Variants in FGF14 observed in about 807,000 individuals in gnomAD.
FGF14 encodes the protein fibroblast growth factor 14.
A neutral mutation model predicts 25.5 loss-of-function variants in FGF14; 5 were observed. That is an observed-to-expected ratio of 0.20 (90% CI 0.10 to 0.41). The LOEUF (loss-of-function observed/expected upper bound fraction) is 0.41, where lower values mean the gene tolerates loss of function less well. Ranked by LOEUF, FGF14 falls within the 10% of genes least tolerant of loss-of-function variation. The pLI is 1.00. For missense variants in FGF14, 222 were observed against 320.1 expected, an observed-to-expected ratio of 0.69 and a Z score of 2.34; for synonymous variants, 138 against 118.3, an observed-to-expected ratio of 1.17 and a Z score of -1.08.
At chr13:102,209,417 T>C (rs1235231932) in intron 1 of FGF14, among the ~76,000 whole-genome samples, 1 of 152,248 alleles carries the variant, frequency 6.6e-6, no homozygotes, top group Non-Finnish European at 1.5e-5. Context: ...TCATGAATTT[T>C]GCATTTTCCG....
intron 1 of FGF14, among the ~76,000 whole-genome samples, chr13:102,160,960 CA>C (rs2140569716): frequency 6.6e-6 from 1 of 152,226 alleles, no homozygotes; most frequent in South Asian, 2.1e-4. Flanking sequence ...AGTTAGTCTT[CA>C]AAGCCACTTC....
chr13:101,918,975 A>C (rs1331275678), upstream of FGF14, among the ~76,000 whole-genome samples: 2 of 152,202 alleles, frequency 1.3e-5, no homozygotes, highest in Non-Finnish European at 2.9e-5. Context: ...AAGTGAGAAA[A>C]AGGGGAATGC....
chr13:102,397,807 T>G (rs1306051988), intron 1 of FGF14, among the ~76,000 whole-genome samples: 1 of 152,206 alleles, frequency 6.6e-6, no homozygotes, highest in East Asian at 1.9e-4. Context: ...ATTATATACA[T>G]TGGTCAATCC....
upstream of FGF14, among the ~76,000 whole-genome samples, chr13:101,921,838 A>G (rs2034027681): frequency 6.6e-6 from 1 of 152,188 alleles, no homozygotes; most frequent in African/African-American, 2.4e-5. Flanking sequence ...CTCATCTCCT[A>G]TGAATCTTTC....
chr13:102,181,753 G>A (rs948150051), intron 1 of FGF14, among the ~76,000 whole-genome samples: 8 of 152,120 alleles, frequency 5.3e-5, no homozygotes, highest in African/African-American at 1.7e-4. Context: ...TACATATTAC[G>A]CTGGATCCAT....
intron 3 of FGF14, among the ~76,000 whole-genome samples, chr13:101,797,393 G>A (rs562743169): frequency 2.6e-4 from 39 of 152,088 alleles, no homozygotes; most frequent in African/African-American, 8.2e-4. Flanking sequence ...GTAATTGTGC[G>A]TCCTTTATAA....
intron 3 of FGF14, among the ~76,000 whole-genome samples, chr13:101,754,673 G>C (rs913578621): frequency 2.7e-5 from 4 of 149,908 alleles, no homozygotes; most frequent in African/African-American, 7.4e-5. Context: ...AGATTGCAGT[G>C]ACCCGAGATC....
intron 1 of FGF14, among the ~76,000 whole-genome samples, chr13:102,161,629 AAGAAGAAGAAGAAGAAGAAGAAG>A (rs2047708789): frequency 8.0e-4 from 7 of 8,712 alleles, no homozygotes; most frequent in South Asian, 5.0e-3. Flanking sequence ...GAAGAAGAAG[AAGAAGAAGAAGAAGAAGAAGAAG>A]AAGAAGAAGA....
chr13:102,402,439 A>C (rs2058717301), upstream of FGF14: 1 of 152,156 alleles, frequency 6.6e-6, no homozygotes, highest in African/African-American at 2.4e-5. Context: ...CATTAGAGGG[A>C]GGAGGAGGAG....
intron 3 of FGF14, chr13:101,802,106 G>A (rs538162143): frequency 3.2e-5 from 8 of 252,982 alleles, no homozygotes; most frequent in South Asian, 2.0e-4. Context: ...GGAAATGAAC[G>A]ATTATGACCA....
intron 3 of FGF14, among the ~76,000 whole-genome samples, chr13:101,867,102 G>T (rs528566675): frequency 1.3e-5 from 2 of 152,126 alleles, no homozygotes; most frequent in African/African-American, 2.4e-5. Flanking sequence ...GCTATTGCAC[G>T]CAGTGACCCT....
At chr13:101,955,269 TAGGCAA>T (rs2036442370) in intron 1 of FGF14, among the ~76,000 whole-genome samples, 1 of 152,202 alleles carries the variant, frequency 6.6e-6, no homozygotes, top group Non-Finnish European at 1.5e-5. Context: ...TTTGAACTAG[TAGGCAA>T]TTTCCTTTAA....
At chr13:102,339,366 T>C (rs1261015932) in intron 1 of FGF14, among the ~76,000 whole-genome samples, 1 of 152,136 alleles carries the variant, frequency 6.6e-6, no homozygotes, top group Non-Finnish European at 1.5e-5. Context: ...TCCAAAATCT[T>C]ACAGGAGTTT....
chr13:101,910,899 T>A (rs1472482897), intron 1 of FGF14, among the ~76,000 whole-genome samples: 1 of 148,792 alleles, frequency 6.7e-6, no homozygotes, highest in Non-Finnish European at 1.5e-5. Flanking sequence ...TGTGTTTTAG[T>A]TGTTGGGTGC....
chr13:101,767,359 T>A (rs1419363599), intron 3 of FGF14, among the ~76,000 whole-genome samples: 3 of 152,118 alleles, frequency 2.0e-5, no homozygotes, highest in Non-Finnish European at 4.4e-5. Context: ...TACGAGATCA[T>A]TCTTTTTTTA....
intron 1 of FGF14, among the ~76,000 whole-genome samples, chr13:102,388,295 A>G (rs1352735507): frequency 1.3e-5 from 2 of 152,258 alleles, no homozygotes; most frequent in South Asian, 2.1e-4. Flanking sequence ...TCCAAATTGC[A>G]TAAGAAAATT....
intron 1 of FGF14, among the ~76,000 whole-genome samples, chr13:102,196,957 G>GTTTT (rs60053028): frequency 1.8e-4 from 27 of 149,668 alleles, no homozygotes; most frequent in African/African-American, 3.4e-4. Context: ...TGTTTTTTTG[G>GTTTT]TTTTTTTTTT....
chr13:102,161,649 G>GA (rs1222274747), intron 1 of FGF14, among the ~76,000 whole-genome samples: 4 of 14,962 alleles, frequency 2.7e-4, no homozygotes, highest in Admixed American at 7.0e-4. Context: ...AGAAGAAGAA[G>GA]AAGAAGAAGA....
At chr13:101,882,493 TCAGATAAATAGTAGAG>T (rs2045761881) in intron 1 of FGF14, among the ~76,000 whole-genome samples, 1 of 151,794 alleles carries the variant, frequency 6.6e-6, no homozygotes, top group Non-Finnish European at 1.5e-5. Flanking sequence ...ATCTATTTCT[TCAGATAAATAGTAGAG>T]CAGTAAACTG....
Sources: allele counts gnomAD v4.1 joint callset (sites outside exome capture counted in the v4.1 genomes callset), GRCh38; gene constraint gnomAD v4.1.1; transcripts MANE v1.5; gene names NCBI Gene and HGNC (gene_info 2026-07-23, HGNC 2026-07-21).